The following CEP68 variants were observed in gnomAD, a reference collection of about 807,000 sequenced individuals.
CEP68 encodes centrosomal protein 68.
In CEP68, 26 loss-of-function variants were observed where a neutral mutation model predicts 55.3. The observed-to-expected ratio is 0.47, with a 90% CI of 0.34 to 0.65. CEP68 has a LOEUF of 0.65. Among genes scored for constraint, CEP68 ranks in the 30% least tolerant of loss-of-function variants. CEP68 has a pLI of 0.01. For synonymous variants in CEP68, 402 were observed against 383.2 expected (o/e 1.05, Z -0.57); for missense variants, 957 against 946.7 (o/e 1.01, Z -0.14).
rs1668879709 is a variant in CEP68, at chr2:65,082,528, A to ATTGT, written c.2105-6_2105-3dup. The stretch of plus-strand genomic sequence containing the variant: ...TTCTGGTTTAATTTCTTTGAACCTC[A>ATTGT]TTGTTAGTTTTAGAGGATGTCCTTG... On this transcript the variant is annotated splice_region_variant and splice_polypyrimidine_tract_variant and intron_variant, in intron 5 of 6. Coordinates refer to ENST00000377990, the MANE Select transcript of CEP68 (RefSeq NM_015147.3). 6.6e-7 allele frequency: 1 copy of ATTGT among 1,525,046 alleles called. No homozygotes were observed. 94.5% of individuals were successfully genotyped at this position (1,525,046 alleles called of 1,614,324 possible).
At chr2:65,067,714 C>T (rs75428935) in intron 1 of CEP68, among the ~76,000 whole-genome samples, 6,633 of 152,140 alleles carry the variant, frequency 0.044, 176 homozygotes, top group Middle Eastern at 0.12. Context: ...GGGACAAGGG[C>T]GGAGAGAGAC....
intron 3 of CEP68, 49 bp downstream of exon 3, chr2:65,073,029 T>C (rs1573037531): frequency 1.3e-6 from 2 of 1,588,988 alleles, no homozygotes; most frequent in East Asian, 2.2e-5. Context: ...GTCTTGTCTC[T>C]TCCCCCAATC....
chr2:65,069,915 G>C (rs1225289055), intron 2 of CEP68, 114 bp downstream of exon 2: 3 of 953,502 alleles, frequency 3.1e-6, no homozygotes, highest in Admixed American at 2.1e-5. Flanking sequence ...TGAGGAATTG[G>C]AGGGGCCTGA....
intron 2 of CEP68, chr2:65,071,084 G>C (rs1397177161): frequency 3.9e-6 from 1 of 255,812 alleles, no homozygotes; most frequent in South Asian, 5.5e-5. Flanking sequence ...GACGTGTCCT[G>C]TTAGCGACAG....
chr2:65,074,245 T>A, intron 3 of CEP68, 37 bp from the exon 4 acceptor site: 1 of 1,608,542 alleles, frequency 6.2e-7, no homozygotes, highest in Non-Finnish European at 8.5e-7. Flanking sequence ...AGCTGTTCGA[T>A]CAGTAACACC....
At chr2:65,063,541 A>C (rs565486070) in intron 1 of CEP68, among the ~76,000 whole-genome samples, 1 of 152,338 alleles carries the variant, frequency 6.6e-6, no homozygotes, top group East Asian at 1.9e-4. Context: ...CAAGACAACA[A>C]GCGCTATTCA....
chr2:65,081,211 CA>C (rs3052193), intron 5 of CEP68, among the ~76,000 whole-genome samples: 1,731 of 142,844 alleles, frequency 0.012, 32 homozygotes, highest in African/African-American at 0.037. Flanking sequence ...GACTCCATCT[CA>C]AAAAAAAAAA....
At chr2:65,064,870 G>T (rs991540261) in intron 1 of CEP68, among the ~76,000 whole-genome samples, 4 of 152,118 alleles carry the variant, frequency 2.6e-5, no homozygotes, top group Admixed American at 6.5e-5. Context: ...GCCTGTAAAC[G>T]TCTTCATGTG....
chr2:65,079,465 T>G (rs1394681306), intron 5 of CEP68, among the ~76,000 whole-genome samples: 2 of 152,224 alleles, frequency 1.3e-5, no homozygotes, highest in Non-Finnish European at 2.9e-5. Flanking sequence ...GACCACTGAA[T>G]AGTTTTCAGC....
At chr2:65,074,749 G>A (rs1221279875) in intron 4 of CEP68, 10 of 307,344 alleles carry the variant, frequency 3.3e-5, no homozygotes, top group South Asian at 2.6e-4. Context: ...AGTACAGCCT[G>A]AGCAACATAG....
At position 65,072,526 on chromosome 2, in the gene CEP68, A is replaced by G; in HGVS notation, c.1430A>G (p.Glu477Gly). 1.9e-6 allele frequency: 3 copies of G among 1,614,104 alleles called. No individual in the cohort carries two copies. Among genetic ancestry groups the G allele is most frequent in the Non-Finnish European group, 2.5e-6 (3 of 1,180,006 alleles). The change falls in exon 3 of 7, where the codon GAA becomes GGA. Residue 477 changes from glutamate to glycine, a missense_variant. Glu to Gly is a moderately conservative substitution (Grantham distance 98). Coordinates refer to ENST00000377990, the MANE Select transcript of CEP68 (RefSeq NM_015147.3). ...AGGTGGAAATCAGAAGAGGAAGTGGAAAGTGATGACGAGTATCTTGCCCTC... is the reference window on the plus strand; with the variant it reads ...AGGTGGAAATCAGAAGAGGAAGTGGGAAGTGATGACGAGTATCTTGCCCTC... ...ESRWKSEEEV[E>G]SDDEYLALPA...
rs1489356700 is a variant in CEP68 at position 65,056,425 on chromosome 2, T to G, written c.-150T>G. 1 of 152,372 alleles carries G rather than the reference T, an allele frequency of 6.6e-6. No individual in the cohort carries two copies. The highest frequency in any genetic ancestry group is 2.4e-5 in the African/African-American group (1 of 41,458). 9.4% of individuals were successfully genotyped at this position (152,372 alleles called of 1,614,324 possible). A position where few individuals can be genotyped will look rare whatever the true frequency, so the allele number is the denominator to read the frequency against. On this transcript the variant is annotated 5_prime_UTR_variant, in exon 1 of 7. Transcript: ENST00000377990. ...CGGTCCTGCCCTGCGCGTTTTGGGC[T>G]GCGGTTGGAGGGCCGCAGTTGCAGT...
Position 65,074,190 on chromosome 2 carries a change from G to A in CEP68, c.1885-92G>A, listed in dbSNP as rs943805667. On this transcript the variant is annotated intron_variant, in intron 3 of 6. Coordinates refer to ENST00000377990, the MANE Select transcript of CEP68 (RefSeq NM_015147.3). ...AGAGGAAACTGAAGGTGCACAGTCT[G>A]TCTCCAAGTCCTCCTGATATTTTTA... 8 of 1,486,162 alleles carry A rather than the reference G, an allele frequency of 5.4e-6. No homozygotes were observed. The African/African-American group carries it at 1.1e-4, about 21-fold the overall frequency. 92.1% of individuals were successfully genotyped at this position (1,486,162 alleles called of 1,614,324 possible).
At chr2:65,074,565 G>A (rs755516076) in intron 4 of CEP68, 161 bp downstream of exon 4, 38 of 1,049,072 alleles carry the variant, frequency 3.6e-5, no homozygotes, top group African/African-American at 1.3e-4. Context: ...AAAGCGGAAC[G>A]CTTTGTAAAA....
rs1261755931 is a variant in CEP68 at position 65,084,558 on chromosome 2, C to T, written c.*924C>T. The T allele has an allele frequency of 6.6e-6, 1 of 151,564 alleles. No individual in the cohort carries two copies. Among genetic ancestry groups the T allele is most frequent in the Non-Finnish European group, 1.5e-5 (1 of 67,954 alleles). 9.4% of individuals were successfully genotyped at this position (151,564 alleles called of 1,614,324 possible). A position where few individuals can be genotyped will look rare whatever the true frequency, so the allele number is the denominator to read the frequency against. On this transcript the variant is annotated 3_prime_UTR_variant, in exon 7 of 7. Coordinates refer to ENST00000377990, the MANE Select transcript of CEP68 (RefSeq NM_015147.3). Reference sequence around the variant, plus strand: ...AAAACTATGGATCAACCATTCAAAGCATCAATTCTATAGCTTTTTGCAGCA... The same window carrying T: ...AAAACTATGGATCAACCATTCAAAGTATCAATTCTATAGCTTTTTGCAGCA...
In CEP68 at chr2:65,072,752, G is replaced by C; in HGVS notation, c.1656G>C (p.Glu552Asp). ...CCCTCCAAGGATCTGGGGATCCTGA[G>C]GGCCAGAATCCCTGTTTCCTGCGCT... ...GAALQGSGDP[E>D]GQNPCFLRSF... Residue 552 changes from glutamate (E) to aspartate (D), a missense_variant, in exon 3 of 7, where the codon GAG (glutamate) becomes GAC (aspartate). Transcript: ENST00000377990. The C allele has an allele frequency of 6.2e-7, 1 of 1,614,146 alleles. No homozygotes were observed. Among genetic ancestry groups the C allele is most frequent in the Non-Finnish European group, 8.5e-7 (1 of 1,180,028 alleles).
chr2:65,077,367 A>G lies in CEP68; in HGVS notation c.2008-501A>G, dbSNP rs548758287. ...CTCGGTAGCCAAGAGGGGAAAGCAA[A>G]TGAGTTGCTTGGGAAACTCACAGCT... is the stretch of plus-strand genomic sequence containing the variant. On this transcript the variant is annotated intron_variant, in intron 4 of 6. Transcript: ENST00000377990. Among the ~76,000 whole-genome samples, 250 of 152,304 alleles carry G rather than the reference A, an allele frequency of 1.6e-3. 1 individual carries two copies. The highest frequency in any genetic ancestry group is 5.8e-3 in the African/African-American group (240 of 41,556).
At chr2:65,081,084 G>A (rs528200539) in intron 5 of CEP68, among the ~76,000 whole-genome samples, 6 of 151,958 alleles carry the variant, frequency 3.9e-5, no homozygotes, top group Admixed American at 1.3e-4. Context: ...GGTGGTGGGC[G>A]CCAGTAATTC....
intron 1 of CEP68, among the ~76,000 whole-genome samples, chr2:65,068,363 T>C (rs1204913305): frequency 6.6e-6 from 1 of 152,078 alleles, no homozygotes; most frequent in Non-Finnish European, 1.5e-5. Context: ...TCATCATCCT[T>C]CCCTGAGTGC....
Sources: allele counts gnomAD v4.1 joint callset (sites outside exome capture counted in the v4.1 genomes callset), GRCh38; gene constraint gnomAD v4.1.1; transcripts MANE v1.5; gene names NCBI Gene and HGNC (gene_info 2026-07-23, HGNC 2026-07-21).